The following PCMTD1 variants were observed in gnomAD, a reference collection of about 807,000 sequenced individuals.
The protein encoded by PCMTD1 is protein-L-isoaspartate (D-aspartate) O-methyltransferase domain containing 1.
In PCMTD1, 12 loss-of-function variants were observed where a neutral mutation model predicts 37.6. The observed-to-expected ratio is 0.32, with a 90% CI of 0.20 to 0.52. The LOEUF (loss-of-function observed/expected upper bound fraction) is 0.52. Among genes scored for constraint, PCMTD1 ranks in the 20% least tolerant of loss-of-function variants. The pLI is 0.97. For synonymous variants in PCMTD1, 117 were observed against 135.8 expected (o/e 0.86, Z 0.96); for missense variants, 235 against 421.3 (o/e 0.56, Z 3.87).
intron 5 of PCMTD1, among the ~76,000 whole-genome samples, chr8:51,829,018 T>C (rs1209179171): frequency 1.3e-5 from 2 of 152,236 alleles, no homozygotes. Flanking sequence ...GTCCTTTTTG[T>C]AAGTAGCGAA....
At chr8:51,846,016 C>A (rs1030671115) in intron 2 of PCMTD1, among the ~76,000 whole-genome samples, 1 of 152,130 alleles carries the variant, frequency 6.6e-6, no homozygotes, top group South Asian at 2.1e-4. Flanking sequence ...TTGAAACCTA[C>A]AGAGTTCTCC....
intron 2 of PCMTD1, among the ~76,000 whole-genome samples, chr8:51,854,583 A>G (rs1481252591): frequency 6.6e-6 from 1 of 152,226 alleles, no homozygotes; most frequent in Non-Finnish European, 1.5e-5. Flanking sequence ...TAAATCACAT[A>G]TCAAGAATGG....
chr8:51,820,711 A>G lies in PCMTD1; in HGVS notation c.714T>C (p.Cys238=), dbSNP rs1462448268. 1.3e-5 allele frequency: 20 copies of G among 1,596,624 alleles called. No homozygotes were observed. In the Admixed American group the frequency reaches 3.3e-4, roughly 26 times the overall value. The change falls in exon 6 of 6, where the codon TGT becomes TGC. Residue 238 remains cysteine (C), a synonymous_variant. Transcript: ENST00000522514. The part of the protein sequence containing the change: ...GKPDSVGLPP[C]AVRNLQDLAR... ...CCAAGTCCTGTAGATTCCTGACAGCACAGGGAGCTAAAAACAAACATAAAA... is the reference window on the plus strand; with the variant it reads ...CCAAGTCCTGTAGATTCCTGACAGCGCAGGGAGCTAAAAACAAACATAAAA...
intron 1 of PCMTD1, among the ~76,000 whole-genome samples, chr8:51,896,788 T>C (rs972767574): frequency 2.0e-5 from 3 of 150,696 alleles, no homozygotes; most frequent in African/African-American, 7.3e-5. Context: ...GAAAAAACCG[T>C]AAGGGCAACA....
chr8:51,886,130 T>C (rs2038861658), intron 1 of PCMTD1, among the ~76,000 whole-genome samples: 1 of 152,260 alleles, frequency 6.6e-6, no homozygotes, highest in African/African-American at 2.4e-5. Flanking sequence ...TTCTGCAATT[T>C]AAATAGCTGT....
At position 51,872,075 on chromosome 8, in the gene PCMTD1, C is replaced by G. The variant is rs866694845; in HGVS notation, c.-95-10829G>C. Among the ~76,000 whole-genome samples, 28 of 152,262 alleles carry G rather than the reference C, an allele frequency of 1.8e-4. 1 individual carries two copies. The highest frequency in any genetic ancestry group is 1.0e-3 in the South Asian group (5 of 4,826). ...GAAACAGTAGATGGTAGTTCTATGA[C>G]AGTTTTAGCGTATAATATTTGAAGT... is the stretch of plus-strand genomic sequence containing the variant. On this transcript the variant is annotated intron_variant, in intron 1 of 5. Coordinates refer to ENST00000522514, the MANE Select transcript of PCMTD1 (RefSeq NM_052937.4).
intron 1 of PCMTD1, 105 bp downstream of exon 1, chr8:51,898,825 C>T: frequency 9.0e-7 from 1 of 1,112,052 alleles, no homozygotes; most frequent in Non-Finnish European, 1.1e-6. Flanking sequence ...GGCTGCCGTC[C>T]CCCTGGCCCT....
intron 1 of PCMTD1, among the ~76,000 whole-genome samples, chr8:51,888,646 A>C (rs567950548): frequency 1.3e-5 from 2 of 152,352 alleles, no homozygotes; most frequent in South Asian, 4.1e-4. Flanking sequence ...TAGTTTTAAG[A>C]ATCAAATGAA....
Position 51,820,240 on chromosome 8 carries a change from C to T in PCMTD1, c.*111G>A. 10 of 915,804 alleles carry T rather than the reference C, an allele frequency of 1.1e-5. No individual in the cohort carries two copies. The highest frequency in any genetic ancestry group is 9.3e-5 in the South Asian group (3 of 32,432). The allele number at this position is 915,804 out of a possible 1,614,324, so 56.7% of individuals were successfully genotyped here. On this transcript the variant is annotated 3_prime_UTR_variant, in exon 6 of 6. Coordinates refer to ENST00000522514, the MANE Select transcript of PCMTD1 (RefSeq NM_052937.4). The stretch of plus-strand genomic sequence containing the variant: ...TGACAGAAACAAGTGATTTTTTTTC[C>T]ACTATAATTTGCTCTGATGAAAGAA...
At chr8:51,882,385 C>T (rs1005411454) in intron 1 of PCMTD1, among the ~76,000 whole-genome samples, 6 of 152,122 alleles carry the variant, frequency 3.9e-5, no homozygotes, top group African/African-American at 7.2e-5. Flanking sequence ...GGGTAGGGGG[C>T]GGTCAGGGTT....
chr8:51,878,656 G>C (rs1190471799), intron 1 of PCMTD1, among the ~76,000 whole-genome samples: 1 of 152,162 alleles, frequency 6.6e-6, no homozygotes, highest in Non-Finnish European at 1.5e-5. Flanking sequence ...AATGGAGGTA[G>C]GATGATCCCT....
At chr8:51,853,292 C>G in intron 2 of PCMTD1, among the ~76,000 whole-genome samples, 1 of 152,158 alleles carries the variant, frequency 6.6e-6, no homozygotes, top group Non-Finnish European at 1.5e-5. Context: ...AGAACTCCAG[C>G]AGACCAAGCA....
At chr8:51,822,460 G>T (rs1019557758) in intron 5 of PCMTD1, among the ~76,000 whole-genome samples, 4 of 152,172 alleles carry the variant, frequency 2.6e-5, no homozygotes, top group African/African-American at 9.7e-5. Context: ...ATACAGGGGA[G>T]AACAGGTTGA....
At chr8:51,891,136 A>G (rs2038929903) in intron 1 of PCMTD1, among the ~76,000 whole-genome samples, 3 of 152,236 alleles carry the variant, frequency 2.0e-5, no homozygotes, top group Non-Finnish European at 4.4e-5. Context: ...CACAATATCT[A>G]GGGAAGTATA....
intron 1 of PCMTD1, among the ~76,000 whole-genome samples, chr8:51,884,125 T>C (rs568345155): frequency 2.0e-5 from 3 of 152,304 alleles, no homozygotes; most frequent in African/African-American, 4.8e-5. Context: ...TTTGGGTGTG[T>C]TGCTGTCTGC....
chr8:51,849,050 C>T (rs1034795115), intron 2 of PCMTD1: 1 of 152,102 alleles, frequency 6.6e-6, no homozygotes, highest in Non-Finnish European at 1.5e-5. Context: ...TTACAACTCA[C>T]ATTTGGTATC....
chr8:51,831,127 G>A (rs919122789), intron 5 of PCMTD1, among the ~76,000 whole-genome samples: 4 of 151,906 alleles, frequency 2.6e-5, no homozygotes, highest in African/African-American at 4.8e-5. Context: ...GTGAAACAGC[G>A]TCTCTTCTAA....
chr8:51,845,867 GGC>G (rs2038210776), intron 2 of PCMTD1, 104 bp from the exon 3 acceptor site: 1 of 676,656 alleles, frequency 1.5e-6, no homozygotes, highest in African/African-American at 1.8e-5. Context: ...ATTTAAAGAT[GGC>G]TTGAAATATG....
intron 3 of PCMTD1, among the ~76,000 whole-genome samples, chr8:51,843,366 TA>T (rs1295172253): frequency 6.6e-6 from 1 of 152,156 alleles, no homozygotes; most frequent in Admixed American, 6.5e-5. Context: ...TCTTCAAGAC[TA>T]GTTCATGAAT....
Sources: gnomAD v4.1 joint callset for allele counts (sites outside exome capture counted in the v4.1 genomes callset) on GRCh38, gnomAD v4.1.1 for gene constraint, MANE v1.5 for transcripts, NCBI Gene and HGNC (gene_info 2026-07-23, HGNC 2026-07-21) for gene names.